The following MAP2K2 variants were observed in gnomAD, a reference collection of about 807,000 sequenced individuals.
MAP2K2 encodes the protein dual specificity mitogen-activated protein kinase kinase 2.
A neutral mutation model predicts 43.7 loss-of-function variants in MAP2K2; 24 were observed. That is an observed-to-expected ratio of 0.55 (90% CI 0.40 to 0.77). MAP2K2 has a LOEUF of 0.77. Among genes scored for constraint, MAP2K2 ranks in the 30% least tolerant of loss-of-function variants. The probability of loss-of-function intolerance (pLI) is 0.00; values close to 1 mark genes in which losing one functional copy is unlikely to be tolerated. For missense variants in MAP2K2, 470 were observed against 566.8 expected, an observed-to-expected ratio of 0.83 and a Z score of 1.73; for synonymous variants, 244 against 239.7, an observed-to-expected ratio of 1.02 and a Z score of -0.17.
In MAP2K2 at chr19:4,123,243, C is replaced by A. The variant is rs375634782; in HGVS notation, c.92+541G>T. 4.6e-5 allele frequency among the ~76,000 whole-genome samples: 7 copies of A among 151,532 alleles called. No individual in the cohort carries two copies. The South Asian group carries it at 1.2e-3, about 27-fold the overall frequency. Reference sequence around the variant, plus strand: ...ATCCTGTTCTCTCCTTGGGGACACCCCTCATTCCGATTTTCCTACTGAGGG... The same window carrying A: ...ATCCTGTTCTCTCCTTGGGGACACCACTCATTCCGATTTTCCTACTGAGGG... On this transcript the variant is annotated intron_variant, in intron 1 of 10. Transcript: ENST00000262948.
chr19:4,097,211 A>AAAG, intron 8 of MAP2K2, 68 bp downstream of exon 8: 1 of 1,120,496 alleles, frequency 8.9e-7, no homozygotes, highest in Non-Finnish European at 1.2e-6. Context: ...TGCCTAAAAA[A>AAAG]AAAAAAAAAA....
chr19:4,093,162 G>A (rs566233557), intron 10 of MAP2K2, among the ~76,000 whole-genome samples: 21 of 152,252 alleles, frequency 1.4e-4, no homozygotes, highest in African/African-American at 4.8e-4. Context: ...AGGTTGCAGT[G>A]AGCCGAGATC....
Position 4,120,012 on chromosome 19 carries a change from G to A in MAP2K2, c.93-2383C>T, listed in dbSNP as rs538391083. ...GCTGGAAGGCAGGGGCCTGGGCACC[G>A]CTTCCTGGGCTGGACAAACACCATC... On this transcript the variant is annotated intron_variant, in intron 1 of 10. Coordinates refer to ENST00000262948, the MANE Select transcript of MAP2K2 (RefSeq NM_030662.4). 9.2e-5 allele frequency among the ~76,000 whole-genome samples: 14 copies of A among 152,376 alleles called. 1 individual carries two copies. Among genetic ancestry groups the A allele is most frequent in the South Asian group, 6.2e-4 (3 of 4,826 alleles).
intron 3 of MAP2K2, among the ~76,000 whole-genome samples, chr19:4,104,284 A>AGCCGCACGTT (rs34997086): frequency 6.7e-6 from 1 of 149,798 alleles, no homozygotes; most frequent in Non-Finnish European, 1.5e-5. Flanking sequence ...AAAAAAAAAA[A>AGCCGCACGTT]GCCGCACGTG....
Position 4,102,308 on chromosome 19 carries a change from C to A in MAP2K2, c.528+68G>T, listed in dbSNP as rs986252859. The A allele has an allele frequency of 4.3e-6, 6 of 1,386,886 alleles. No homozygotes were observed. The Admixed American group carries it at 7.9e-5, about 18-fold the overall frequency. 85.9% of individuals were successfully genotyped at this position (1,386,886 alleles called of 1,614,324 possible). A position where few individuals can be genotyped will look rare whatever the true frequency, so the allele number is the denominator to read the frequency against. ...CCACACTGTGAGTGGCTCCCGGAACCCTGGCCGTGTGGAAGAGGTCCGTGC... is the reference window on the plus strand; with the variant it reads ...CCACACTGTGAGTGGCTCCCGGAACACTGGCCGTGTGGAAGAGGTCCGTGC... On this transcript the variant is annotated intron_variant, in intron 4 of 10. Coordinates refer to ENST00000262948, the MANE Select transcript of MAP2K2 (RefSeq NM_030662.4).
intron 10 of MAP2K2, among the ~76,000 whole-genome samples, chr19:4,092,899 T>C (rs370859366): frequency 1.4e-4 from 21 of 152,020 alleles, no homozygotes; most frequent in African/African-American, 4.6e-4. Flanking sequence ...AGCAAGACCC[T>C]GTCTCTATAA....
At chr19:4,104,189 T>C (rs1231687667) in intron 3 of MAP2K2, among the ~76,000 whole-genome samples, 1 of 145,072 alleles carries the variant, frequency 6.9e-6, no homozygotes, top group Non-Finnish European at 1.5e-5. Flanking sequence ...CACTTGAACC[T>C]GGGAGGCAGA....
At chr19:4,114,274 A>G (rs2041192800) in intron 2 of MAP2K2, among the ~76,000 whole-genome samples, 1 of 152,174 alleles carries the variant, frequency 6.6e-6, no homozygotes. Context: ...CTGACCCCAC[A>G]CAGCCTCGGT....
At chr19:4,107,874 C>A (rs2041104895) in intron 3 of MAP2K2, among the ~76,000 whole-genome samples, 1 of 152,214 alleles carries the variant, frequency 6.6e-6, no homozygotes, top group Admixed American at 6.5e-5. Flanking sequence ...AGTCCTCACC[C>A]CAGCAGGGAC....
chr19:4,107,643 G>A (rs1056640761), intron 3 of MAP2K2, among the ~76,000 whole-genome samples: 1 of 151,896 alleles, frequency 6.6e-6, no homozygotes, highest in African/African-American at 2.4e-5. Flanking sequence ...AGAGGTGGAG[G>A]CTGCAGTGAG....
intron 2 of MAP2K2, among the ~76,000 whole-genome samples, chr19:4,112,053 C>T (rs916090586): frequency 6.6e-6 from 1 of 152,230 alleles, no homozygotes; most frequent in African/African-American, 2.4e-5. Flanking sequence ...AGCCAGGACC[C>T]CCAGCATGGC....
At chr19:4,096,825 A>G (rs928632778) in intron 8 of MAP2K2, among the ~76,000 whole-genome samples, 24 of 152,270 alleles carry the variant, frequency 1.6e-4, no homozygotes, top group African/African-American at 5.5e-4. Flanking sequence ...CTCTGGACTC[A>G]GGGTGAGAGG....
rs1426586215 is a variant in MAP2K2, at chr19:4,115,091, A to C, written c.303+2328T>G. On this transcript the variant is annotated intron_variant, in intron 2 of 10. Coordinates refer to ENST00000262948, the MANE Select transcript of MAP2K2 (RefSeq NM_030662.4). This position sits in a 1 kb window ranked among gnomAD's most constrained non-coding sequence, Gnocchi z 4.1. ...TTTAAAGAAAACCTAATTTTGAAAG[A>C]ATTATAGAAGCACAGGAAGTTGCAA... 6.6e-6 allele frequency among the ~76,000 whole-genome samples: 1 copy of C among 152,054 alleles called. No homozygotes were observed. Among genetic ancestry groups the C allele is most frequent in the Non-Finnish European group, 1.5e-5 (1 of 68,012 alleles).
chr19:4,101,406 C>T lies in MAP2K2; in HGVS notation c.529-126G>A. The T allele has an allele frequency of 9.7e-7, 1 of 1,035,150 alleles. No homozygotes were observed. The highest frequency in any genetic ancestry group is 1.4e-5 in the South Asian group (1 of 73,730). The allele number at this position is 1,035,150 out of a possible 1,614,324, so 64.1% of individuals were successfully genotyped here. ...GAGCTGCGGCAGGAACCATTTCAGG[C>T]TGTGAGGAGCTCGCTGGGGTGGAGC... On this transcript the variant is annotated intron_variant, in intron 4 of 10. Coordinates refer to ENST00000262948, the MANE Select transcript of MAP2K2 (RefSeq NM_030662.4). The surrounding 1 kb of genome is among the most constrained non-coding windows in gnomAD (Gnocchi z 6.3).
intron 2 of MAP2K2, among the ~76,000 whole-genome samples, chr19:4,112,672 G>C (rs1011889034): frequency 6.9e-6 from 1 of 144,830 alleles, no homozygotes; most frequent in Non-Finnish European, 1.5e-5. Flanking sequence ...CTGCCTGCCC[G>C]CCCCTGCCTG....
At chr19:4,100,266 A>G (rs1035783897) in intron 6 of MAP2K2, 1 of 151,752 alleles carries the variant, frequency 6.6e-6, no homozygotes, top group Admixed American at 6.6e-5. Context: ...AACAACAACA[A>G]AAACAAAAAC....
intron 2 of MAP2K2, among the ~76,000 whole-genome samples, chr19:4,111,672 G>A (rs1342152528): frequency 6.6e-6 from 1 of 152,212 alleles, no homozygotes; most frequent in Admixed American, 6.5e-5. Flanking sequence ...ATGCAGAAAG[G>A]AGGCCTGGTG....
intron 1 of MAP2K2, among the ~76,000 whole-genome samples, chr19:4,122,014 T>C (rs1207718734): frequency 9.1e-6 from 1 of 109,924 alleles, no homozygotes; most frequent in African/African-American, 3.6e-5. Context: ...CTGCCCCACC[T>C]TGGCACCCTA....
chr19:4,107,523 CAAAAAAAAAAA>C (rs71166959), intron 3 of MAP2K2, among the ~76,000 whole-genome samples: 1 of 59,320 alleles, frequency 1.7e-5, no homozygotes, highest in Non-Finnish European at 2.9e-5. Flanking sequence ...GACTCCGTCT[CAAAAAAAAAAA>C]AAAAAAAAAA....
Sources: gnomAD v4.1 joint callset for allele counts (sites outside exome capture counted in the v4.1 genomes callset) on GRCh38, gnomAD v4.1.1 for gene constraint, Gnocchi (gnomAD v3.1) non-coding constraint, MANE v1.5 for transcripts, NCBI Gene and HGNC (gene_info 2026-07-23, HGNC 2026-07-21) for gene names.